Variants in LTBP1 observed in about 807,000 individuals in gnomAD.
The protein encoded by LTBP1 is latent-transforming growth factor beta-binding protein 1.
In LTBP1, 129 loss-of-function variants were observed where a neutral mutation model predicts 207.6. The ratio of observed to expected loss-of-function variants is 0.62; its 90% CI spans 0.54 to 0.72. The LOEUF (loss-of-function observed/expected upper bound fraction) is 0.72. Among genes scored for constraint, LTBP1 ranks in the 30% least tolerant of loss-of-function variants. The pLI, the probability that LTBP1 is intolerant of heterozygous loss-of-function variation, is 0.00. For synonymous variants in LTBP1, 963 were observed against 833.7 expected (o/e 1.16, Z -2.67); for missense variants, 2,281 against 2,217.2 (o/e 1.03, Z -0.58).
Position 33,048,715 on chromosome 2 carries a change from G to A in LTBP1, c.863+27509G>A, listed in dbSNP as rs958369272. 9.2e-5 allele frequency among the ~76,000 whole-genome samples: 14 copies of A among 152,098 alleles called. No homozygotes were observed. The East Asian group carries it at 2.3e-3, about 25-fold the overall frequency. Reference sequence around the variant, plus strand: ...GGAAGCGTGTGTGCTCCGTTGACAGGGGCTGACTCTTCAGAGAGGATTATC... The same window carrying A: ...GGAAGCGTGTGTGCTCCGTTGACAGAGGCTGACTCTTCAGAGAGGATTATC... On this transcript the variant is annotated intron_variant, in intron 3 of 33. Coordinates refer to ENST00000404816, the MANE Select transcript of LTBP1 (RefSeq NM_206943.4).
intron 5 of LTBP1, among the ~76,000 whole-genome samples, chr2:33,166,504 C>T (rs916497245): frequency 6.6e-6 from 1 of 152,106 alleles, no homozygotes; most frequent in African/African-American, 2.4e-5. Flanking sequence ...AGAATCTAGA[C>T]CTCCAATTGT....
intron 19 of LTBP1, among the ~76,000 whole-genome samples, chr2:33,292,698 T>C (rs916065530): frequency 2.0e-5 from 3 of 152,216 alleles, no homozygotes; most frequent in Non-Finnish European, 4.4e-5. Context: ...TATTGGACTC[T>C]TTTTCACCTT....
chr2:33,201,462 ACT>A (rs1453410324), intron 7 of LTBP1, among the ~76,000 whole-genome samples: 12 of 121,502 alleles, frequency 9.9e-5, no homozygotes, highest in African/African-American at 3.9e-4. Flanking sequence ...GGAACATCAC[ACT>A]CTGGGGACTG....
intron 22 of LTBP1, among the ~76,000 whole-genome samples, chr2:33,303,974 G>A (rs1259695329): frequency 6.6e-6 from 1 of 152,168 alleles, no homozygotes; most frequent in African/African-American, 2.4e-5. Context: ...TAAGTCTTGG[G>A]TAACTGATGT....
chr2:33,169,698 A>T (rs2085248667), intron 5 of LTBP1, among the ~76,000 whole-genome samples: 2 of 152,196 alleles, frequency 1.3e-5, no homozygotes, highest in African/African-American at 4.8e-5. Flanking sequence ...AATAAACAGG[A>T]AATAGATTGA....
chr2:33,263,768 A>G (rs1573501493), intron 15 of LTBP1, among the ~76,000 whole-genome samples: 1 of 152,070 alleles, frequency 6.6e-6, no homozygotes, highest in South Asian at 2.1e-4. Flanking sequence ...CCTGGCCAAC[A>G]TGGCGAAACC....
chr2:33,030,429 C>G lies in LTBP1; in HGVS notation c.863+9223C>G, dbSNP rs912903009. ...TCATTCCTGTGGCTCCTATTTATCT[C>G]CTGGCTTAATGAAGCTATTTTGAAG... On this transcript the variant is annotated intron_variant, in intron 3 of 33. Coordinates refer to ENST00000404816, the MANE Select transcript of LTBP1 (RefSeq NM_206943.4). Among the ~76,000 whole-genome samples the G allele has an allele frequency of 7.9e-4, 120 of 152,224 alleles. 1 individual carries two copies. The highest frequency in any genetic ancestry group is 2.5e-3 in the African/African-American group (104 of 41,526).
chr2:33,116,548 A>G (rs998002267), intron 4 of LTBP1, among the ~76,000 whole-genome samples: 8 of 152,212 alleles, frequency 5.3e-5, no homozygotes, highest in African/African-American at 1.4e-4. Context: ...TTGCAAACAC[A>G]TAATACTGTT....
intron 24 of LTBP1, among the ~76,000 whole-genome samples, chr2:33,322,578 A>C (rs1365955600): frequency 2.0e-5 from 3 of 152,242 alleles, no homozygotes; most frequent in Admixed American, 2.0e-4. Context: ...AATAATGTAT[A>C]ATAGCATTCA....
At chr2:33,185,421 T>G (rs1015734681) in intron 5 of LTBP1, among the ~76,000 whole-genome samples, 1 of 152,214 alleles carries the variant, frequency 6.6e-6, no homozygotes, top group Non-Finnish European at 1.5e-5. Context: ...TGGTGACACA[T>G]AGTTGTAGAC....
intron 5 of LTBP1, among the ~76,000 whole-genome samples, chr2:33,185,030 G>A (rs558034089): frequency 6.6e-6 from 1 of 152,336 alleles, no homozygotes; most frequent in South Asian, 2.1e-4. Context: ...GGTTCAGGCA[G>A]AGTCTGAAAG....
chr2:33,045,155 T>G (rs555642871), intron 3 of LTBP1, among the ~76,000 whole-genome samples: 3 of 152,210 alleles, frequency 2.0e-5, no homozygotes, highest in Non-Finnish European at 2.9e-5. Flanking sequence ...CTGTTGCCAT[T>G]GCTTTTGGTG....
chr2:33,369,168 C>G (rs948636507), intron 31 of LTBP1, among the ~76,000 whole-genome samples: 1 of 151,262 alleles, frequency 6.6e-6, no homozygotes, highest in African/African-American at 2.4e-5. Context: ...TACAGAATAT[C>G]AGGGGAAAAA....
chr2:33,261,226 G>T (rs2093001263), intron 13 of LTBP1, among the ~76,000 whole-genome samples: 1 of 152,130 alleles, frequency 6.6e-6, no homozygotes, highest in South Asian at 2.1e-4. Context: ...TAGGAAGTCT[G>T]CTGCCTCACG....
At position 33,207,262 on chromosome 2, in the gene LTBP1, G is replaced by A. The variant is rs759082657; in HGVS notation, c.1702-10290G>A. Among the ~76,000 whole-genome samples the A allele has an allele frequency of 3.0e-4, 46 of 151,892 alleles. 1 individual carries two copies. Among genetic ancestry groups the A allele is most frequent in the South Asian group, 2.1e-4 (1 of 4,824 alleles). On this transcript the variant is annotated intron_variant, in intron 7 of 33. Coordinates refer to ENST00000404816, the MANE Select transcript of LTBP1 (RefSeq NM_206943.4). ...GCCTTAGTGTAACTTTTAAAATACC[G>A]TTTCATAAACTAAAGTAGTTGTCTG...
At chr2:33,056,512 G>A (rs952689298) in intron 3 of LTBP1, 13 of 721,978 alleles carry the variant, frequency 1.8e-5, no homozygotes, top group Admixed American at 5.7e-5. Flanking sequence ...TTGTCCCTTC[G>A]TGGTTGCAAA....
chr2:33,219,568 T>A (rs1301582448), intron 8 of LTBP1, among the ~76,000 whole-genome samples: 1 of 152,180 alleles, frequency 6.6e-6, no homozygotes, highest in African/African-American at 2.4e-5. Flanking sequence ...CCTCTTTGTT[T>A]ACCATGTCTG....
chr2:33,397,674 AT>A (rs71409616), intron 33 of LTBP1, among the ~76,000 whole-genome samples: 9,310 of 117,524 alleles, frequency 0.079, 336 homozygotes, highest in Admixed American at 0.15. Flanking sequence ...CACCCGGCTA[AT>A]TTTTTTTTTT....
intron 7 of LTBP1, among the ~76,000 whole-genome samples, chr2:33,204,049 C>G (rs1243727156): frequency 6.6e-6 from 1 of 152,146 alleles, no homozygotes. Flanking sequence ...GAGGAAGAAT[C>G]ATCTGGTTTA....
Sources: gnomAD v4.1 joint callset for allele counts (sites outside exome capture counted in the v4.1 genomes callset) on GRCh38, gnomAD v4.1.1 for gene constraint, MANE v1.5 for transcripts, NCBI Gene and HGNC (gene_info 2026-07-23, HGNC 2026-07-21) for gene names.